DHX30: variants seen among roughly 807,000 people sequenced by gnomAD.
DHX30 encodes the protein DExH-box helicase 30, also known as ATP-dependent RNA helicase DHX30.
DHX30 carries 4 observed loss-of-function variants against 116.9 expected under a neutral mutation model. That is an observed-to-expected ratio of 0.03 (90% confidence interval 0.02 to 0.08). The LOEUF (loss-of-function observed/expected upper bound fraction) is 0.08, where lower values mean the gene tolerates loss of function less well. Ranked by LOEUF, DHX30 falls within the 10% of genes least tolerant of loss-of-function variation. The pLI is 1.00. For synonymous variants in DHX30, 697 were observed against 651.7 expected (o/e 1.07, Z -1.06); for missense variants, 871 against 1,595.1 (o/e 0.55, Z 7.73).
intron 1 of DHX30, among the ~76,000 whole-genome samples, chr3:47,803,941 C>G (rs1004017817): frequency 2.0e-5 from 3 of 152,156 alleles, no homozygotes; most frequent in African/African-American, 7.2e-5. Flanking sequence ...TTTACAACCC[C>G]ACTCCATGAG....
At chr3:47,814,114 T>C (rs2035928931) in intron 3 of DHX30, among the ~76,000 whole-genome samples, 1 of 151,708 alleles carries the variant, frequency 6.6e-6, no homozygotes, top group East Asian at 1.9e-4. Flanking sequence ...TGTAAAGAGA[T>C]GGAAAGCCCA....
intron 3 of DHX30, among the ~76,000 whole-genome samples, chr3:47,812,264 G>A (rs1352566909): frequency 6.6e-6 from 1 of 150,392 alleles, no homozygotes; most frequent in African/African-American, 2.4e-5. Flanking sequence ...TAAACAACAG[G>A]ATCTCATGAG....
At chr3:47,813,654 A>G (rs568075238) in intron 3 of DHX30, among the ~76,000 whole-genome samples, 4 of 152,328 alleles carry the variant, frequency 2.6e-5, no homozygotes, top group South Asian at 2.1e-4. Context: ...CAGAACGTCT[A>G]TAACTGCTGA....
intron 4 of DHX30, among the ~76,000 whole-genome samples, chr3:47,819,073 C>T (rs986253387): frequency 2.6e-5 from 4 of 152,216 alleles, no homozygotes; most frequent in African/African-American, 7.2e-5. Flanking sequence ...CACACTCCTG[C>T]TGCTGCGGCC....
intron 8 of DHX30, chr3:47,842,402 C>T (rs1350983863): frequency 6.6e-6 from 1 of 152,382 alleles, no homozygotes; most frequent in Non-Finnish European, 1.5e-5. Context: ...TGGCGTAGAC[C>T]CTATATCTAA....
At chr3:47,823,105 A>AG (rs1559696775) in intron 4 of DHX30, among the ~76,000 whole-genome samples, 1 of 151,300 alleles carries the variant, frequency 6.6e-6, no homozygotes, top group East Asian at 1.9e-4. Context: ...AAAAAAAAAA[A>AG]AAAAGAAAAG....
chr3:47,841,529 G>A, intron 7 of DHX30, 88 bp from the exon 8 acceptor site: 3 of 1,568,668 alleles, frequency 1.9e-6, no homozygotes, highest in South Asian at 1.2e-5. Flanking sequence ...CTGCTGCAGC[G>A]CAGCGTCCTC....
chr3:47,840,995 C>T lies in DHX30; in HGVS notation c.485C>T (p.Pro162Leu), dbSNP rs907509295. The T allele has an allele frequency of 3.8e-5, 62 of 1,614,118 alleles. No individual in the cohort carries two copies. Among genetic ancestry groups the T allele is most frequent in the Non-Finnish European group, 5.2e-5 (61 of 1,180,044 alleles). Residue 162 changes from proline (P) to leucine (L), a missense_variant, in exon 7 of 22, where the codon CCT becomes CTT. By Grantham distance (98) the Pro-to-Leu change is moderately conservative. Coordinates refer to ENST00000445061, the MANE Select transcript of DHX30 (RefSeq NM_138615.3). ...SWWRPEPTMP[P>L]TSWRQLNPES... ...TGGCGTCCGGAACCCACCATGCCCC[C>T]TACTTCCTGGCGGCAGCTGAATCCA...
In DHX30 at chr3:47,849,087, G is replaced by A. The variant is rs768957024; in HGVS notation, c.2929+8G>A. The stretch of plus-strand genomic sequence containing the variant: ...GCCTGCGCTTCATCCACGGTCAGTC[G>A]GGCCCACACCTGCTCTCCTGAGCCC... On this transcript the variant is annotated splice_region_variant and intron_variant, in intron 18 of 21. Transcript: ENST00000445061. 3.2e-5 allele frequency: 51 copies of A among 1,609,634 alleles called. No homozygotes were observed. The highest frequency in any genetic ancestry group is 1.7e-4 in the African/African-American group (13 of 74,932).
Position 47,846,488 on chromosome 3 carries a change from G to A in DHX30, c.1416G>A (p.Leu472=). The A allele has an allele frequency of 6.2e-7, 1 of 1,614,084 alleles. No homozygotes were observed. The highest frequency in any genetic ancestry group is 2.2e-5 in the East Asian group (1 of 44,886). Residue 472 remains leucine, a synonymous_variant, in exon 11 of 22, where the codon CTG becomes CTA. Transcript: ENST00000445061. ...CCACGCGCATCCCCCAGCTGTTGCT[G>A]GAGCGCTATGTGACCGAGGGCCGAG... ...GKTTRIPQLL[L]ERYVTEGRGA...
chr3:47,838,743 C>G (rs1416249179), intron 6 of DHX30, among the ~76,000 whole-genome samples: 1 of 152,224 alleles, frequency 6.6e-6, no homozygotes, highest in Non-Finnish European at 1.5e-5. Flanking sequence ...CTCCCAGTGG[C>G]AGCTCCTGCA....
At chr3:47,818,856 CCCATAGGCTG>C (rs1174394700) in intron 4 of DHX30, among the ~76,000 whole-genome samples, 4 of 152,164 alleles carry the variant, frequency 2.6e-5, no homozygotes, top group African/African-American at 9.7e-5. Context: ...TCTTTTCTGC[CCCATAGGCTG>C]CCTGTTCACA....
intron 2 of DHX30, among the ~76,000 whole-genome samples, chr3:47,809,294 T>C (rs377002229): frequency 8.3e-6 from 1 of 119,962 alleles, no homozygotes; most frequent in East Asian, 2.7e-4. Flanking sequence ...CAGGCTGGAG[T>C]GCAGTGGCAC....
At position 47,847,920 on chromosome 3, in the gene DHX30, G is replaced by T; in HGVS notation, c.2250G>T (p.Gly750=). ...INDIVHVVDS[G]LHKEERYDLK... ...ACATCGTGCATGTGGTGGACAGTGG[G>T]CTGCACAAGGAAGAACGCTATGACC... The change falls in exon 14 of 22, where the codon GGG becomes GGT. Residue 750 remains glycine, a synonymous_variant. Transcript: ENST00000445061. This position sits in a 1 kb window ranked among gnomAD's most constrained non-coding sequence, Gnocchi z 5.5. 6.2e-7 allele frequency: 1 copy of T among 1,614,164 alleles called. No individual in the cohort carries two copies. The highest frequency in any genetic ancestry group is 2.2e-5 in the East Asian group (1 of 44,886).
At chr3:47,845,172 C>CT (rs1384858217) in intron 9 of DHX30, among the ~76,000 whole-genome samples, 1 of 152,020 alleles carries the variant, frequency 6.6e-6, no homozygotes, top group African/African-American at 2.4e-5. Flanking sequence ...TCAGGTTTAG[C>CT]TTTTCTTGAA....
chr3:47,833,700 A>G (rs531831938), intron 6 of DHX30, among the ~76,000 whole-genome samples: 1 of 151,124 alleles, frequency 6.6e-6, no homozygotes, highest in South Asian at 2.1e-4. Flanking sequence ...GCTACTAGAA[A>G]TACAAAAATT....
chr3:47,831,496 T>C (rs2036846723), intron 6 of DHX30, among the ~76,000 whole-genome samples: 1 of 152,098 alleles, frequency 6.6e-6, no homozygotes, highest in Admixed American at 6.6e-5. Context: ...GCATCTCCTC[T>C]CTTGCCCTTT....
rs2035974815 is a variant in DHX30, at chr3:47,814,799, T to C, written c.29-3223T>C. On this transcript the variant is annotated intron_variant, in intron 3 of 21. Coordinates refer to ENST00000445061, the MANE Select transcript of DHX30 (RefSeq NM_138615.3). ...CCTCCTAAAGTGTTGGGATTACAGG[T>C]GTGAACCACCACGCCCGGCCGTTTT... is the stretch of plus-strand genomic sequence containing the variant. Among the ~76,000 whole-genome samples, 4 of 152,236 alleles carry C rather than the reference T, an allele frequency of 2.6e-5. No homozygotes were observed. The South Asian group carries it at 8.3e-4, about 32-fold the overall frequency.
rs1381315303 is a variant in DHX30, at chr3:47,849,441, A to G, written c.3088-10A>G. The G allele has an allele frequency of 1.9e-6, 3 of 1,570,282 alleles. No individual in the cohort carries two copies. The highest frequency in any genetic ancestry group is 1.8e-5 in the Admixed American group (1 of 56,312). Reference sequence around the variant, plus strand: ...CTCAGCCCCACCCGTCTTTTCCTCCATCCCTGCAGGTGAGGCAGGGCAAGG... The same window carrying G: ...CTCAGCCCCACCCGTCTTTTCCTCCGTCCCTGCAGGTGAGGCAGGGCAAGG... On this transcript the variant is annotated splice_polypyrimidine_tract_variant and intron_variant, in intron 19 of 21. Transcript: ENST00000445061.
Sources: allele counts gnomAD v4.1 joint callset (sites outside exome capture counted in the v4.1 genomes callset), GRCh38; gene constraint gnomAD v4.1.1; non-coding constraint Gnocchi (gnomAD v3.1); transcripts MANE v1.5; gene names NCBI Gene and HGNC (gene_info 2026-07-23, HGNC 2026-07-21).